The following ARHGAP35 variants were observed in gnomAD, a reference collection of about 807,000 sequenced individuals.
ARHGAP35 encodes the protein rho GTPase-activating protein 35.
Under a neutral mutation model 111.1 loss-of-function variants are expected in ARHGAP35, and 15 were observed. The observed-to-expected ratio is 0.13, with a 90% confidence interval of 0.09 to 0.21. The LOEUF is 0.21. Ranked by LOEUF, ARHGAP35 falls within the 10% of genes least tolerant of loss-of-function variation. The pLI, the probability that ARHGAP35 is intolerant of heterozygous loss-of-function variation, is 1.00. For missense variants in ARHGAP35, 1,262 were observed against 1,873.0 expected (o/e 0.67, Z 6.02); for synonymous variants, 643 against 710.3 (o/e 0.91, Z 1.51).
At position 46,919,645 on chromosome 19, in the gene ARHGAP35, C is replaced by T. The variant is rs994796276; in HGVS notation, c.970C>T (p.His324Tyr). The change falls in exon 2 of 7, where the codon CAC (histidine) becomes TAC (tyrosine). Residue 324 changes from histidine to tyrosine, a missense_variant. Around this residue, in one of 8 missense-constraint regions of ARHGAP35, gnomAD observed 328 missense variants for 440.8 expected, o/e 0.74. Transcript: ENST00000672722. The surrounding 1 kb of genome is among the most constrained non-coding windows in gnomAD (Gnocchi z 6.2). Reference sequence around the variant, plus strand: ...GAAAGCCAAGAAGCTGTTTCTACAGCACATCCACCGCCTCAAGCATGAGCA... The same window carrying T: ...GAAAGCCAAGAAGCTGTTTCTACAGTACATCCACCGCCTCAAGCATGAGCA... ...TQKAKKLFLQ[H>Y]IHRLKHEHIE... is the part of the protein sequence containing the mutation. 13 of 1,613,934 alleles carry T rather than the reference C, an allele frequency of 8.1e-6. No homozygotes were observed. The Admixed American group carries it at 1.0e-4, about 12-fold the overall frequency.
intron 1 of ARHGAP35, among the ~76,000 whole-genome samples, chr19:46,864,912 A>G (rs1390054021): frequency 6.6e-6 from 1 of 152,254 alleles, no homozygotes; most frequent in Non-Finnish European, 1.5e-5. Flanking sequence ...CTGTGTATGC[A>G]GTACTGCTTA....
Position 47,001,310 on chromosome 19 carries a change from C to G in ARHGAP35, c.*622C>G. On this transcript the variant is annotated 3_prime_UTR_variant, in exon 7 of 7. Coordinates refer to ENST00000672722, the MANE Select transcript of ARHGAP35 (RefSeq NM_004491.5). This position sits in a 1 kb window ranked among gnomAD's most constrained non-coding sequence, Gnocchi z 5.4. ...GACCCAGAGAGTGTGGGACTCCCCG[C>G]TTCATCCCCACCGTCCCACTCCACA... is the stretch of plus-strand genomic sequence containing the variant. The G allele has an allele frequency of 7.7e-7, 1 of 1,290,568 alleles. No individual in the cohort carries two copies. Among genetic ancestry groups the G allele is most frequent in the Non-Finnish European group, 1.0e-6 (1 of 989,340 alleles). The allele number at this position is 1,290,568 out of a possible 1,614,324, so 79.9% of individuals were successfully genotyped here.
chr19:46,996,768 G>C (rs756317986), intron 5 of ARHGAP35, among the ~76,000 whole-genome samples: 1 of 152,144 alleles, frequency 6.6e-6, no homozygotes, highest in Non-Finnish European at 1.5e-5. Context: ...TTTCTAATAC[G>C]GTCTTCTGTC....
chr19:46,866,202 T>C (rs2055855792), intron 1 of ARHGAP35, among the ~76,000 whole-genome samples: 1 of 152,148 alleles, frequency 6.6e-6, no homozygotes, highest in Non-Finnish European at 1.5e-5. Context: ...TGATGTCCAG[T>C]TGGTAAGATT....
chr19:46,882,258 C>A (rs192121315), intron 1 of ARHGAP35, among the ~76,000 whole-genome samples: 22 of 151,844 alleles, frequency 1.4e-4, no homozygotes, highest in African/African-American at 5.3e-4. Context: ...CTCAACCCCC[C>A]CAGGTTGCTG....
chr19:46,973,690 CA>C (rs1203440203), intron 3 of ARHGAP35, among the ~76,000 whole-genome samples: 6 of 143,882 alleles, frequency 4.2e-5, no homozygotes, highest in Admixed American at 1.4e-4. Flanking sequence ...GACTCCATCT[CA>C]AAAAAAAAAT....
intron 3 of ARHGAP35, among the ~76,000 whole-genome samples, chr19:46,955,907 G>T (rs891220214): frequency 6.6e-6 from 1 of 152,220 alleles, no homozygotes; most frequent in Non-Finnish European, 1.5e-5. Context: ...TAACAAGACA[G>T]GGTAAATGCA....
chr19:46,932,861 T>C (rs532934370), intron 2 of ARHGAP35, among the ~76,000 whole-genome samples: 1 of 152,308 alleles, frequency 6.6e-6, no homozygotes, highest in African/African-American at 2.4e-5. Flanking sequence ...AGGATTGAAC[T>C]AAATCTGGGG....
At chr19:46,861,297 C>G (rs1487654311) in intron 1 of ARHGAP35, among the ~76,000 whole-genome samples, 88 bp downstream of exon 1, 1 of 150,244 alleles carries the variant, frequency 6.7e-6, no homozygotes, top group Non-Finnish European at 1.5e-5. Flanking sequence ...CGGCGGGGCC[C>G]GGAGCCCGCG....
chr19:46,927,586 A>G (rs1007292836), intron 2 of ARHGAP35, among the ~76,000 whole-genome samples: 3 of 152,150 alleles, frequency 2.0e-5, no homozygotes, highest in Non-Finnish European at 2.9e-5. Flanking sequence ...CACGCCAAAT[A>G]ATAGAGGGCT....
In ARHGAP35 at chr19:46,965,791, A is replaced by G. The variant is rs193091934; in HGVS notation, c.3827-22198A>G. 1.7e-3 allele frequency among the ~76,000 whole-genome samples: 259 copies of G among 152,214 alleles called. 1 individual carries two copies. The highest frequency in any genetic ancestry group is 5.9e-3 in the African/African-American group (245 of 41,524). ...TGAACTGCTGCACTCGGCCTGGATT[A>G]ATCTTTTTCAACTCCATGTTTCATT... is the stretch of plus-strand genomic sequence containing the variant. On this transcript the variant is annotated intron_variant, in intron 3 of 6. Transcript: ENST00000672722.
At chr19:46,914,597 A>G (rs151257260) in intron 1 of ARHGAP35, among the ~76,000 whole-genome samples, 8 of 152,340 alleles carry the variant, frequency 5.3e-5, no homozygotes, top group African/African-American at 1.9e-4. Flanking sequence ...AGCATGGGTG[A>G]CAGAGCAAGA....
chr19:46,956,697 A>AAGAGC (rs1189053148), intron 3 of ARHGAP35, among the ~76,000 whole-genome samples: 2 of 152,206 alleles, frequency 1.3e-5, no homozygotes, highest in African/African-American at 2.4e-5. Flanking sequence ...CAGTGTGATT[A>AAGAGC]AGAGCAGCCA....
chr19:46,958,628 C>G (rs759776429), intron 3 of ARHGAP35, among the ~76,000 whole-genome samples: 5 of 152,200 alleles, frequency 3.3e-5, no homozygotes, highest in Non-Finnish European at 5.9e-5. Flanking sequence ...TGCTCTACCT[C>G]GTTGATTGAC....
intron 3 of ARHGAP35, among the ~76,000 whole-genome samples, chr19:46,953,952 C>T (rs528069386): frequency 1.1e-4 from 16 of 152,290 alleles, no homozygotes; most frequent in Admixed American, 6.5e-4. Flanking sequence ...CCATCCTTTC[C>T]GAAGCCTTCA....
At chr19:46,911,484 T>C (rs529725246) in intron 1 of ARHGAP35, among the ~76,000 whole-genome samples, 81 of 152,328 alleles carry the variant, frequency 5.3e-4, no homozygotes, top group African/African-American at 1.9e-3. Flanking sequence ...TTCCAAAGAT[T>C]ATGGTAATAC....
Position 46,926,346 on chromosome 19 carries a change from T to C in ARHGAP35, c.3681+3990T>C, listed in dbSNP as rs1023825566. ...GCACTCAGCTGAATGAAATTGAAAA[T>C]CTACGATTGCACTTCAGTAGGGTCC... On this transcript the variant is annotated intron_variant, in intron 2 of 6. Transcript: ENST00000672722. This position sits in a 1 kb window ranked among gnomAD's most constrained non-coding sequence, Gnocchi z 4.1. Among the ~76,000 whole-genome samples the C allele has an allele frequency of 1.3e-5, 2 of 152,154 alleles. No individual in the cohort carries two copies. The highest frequency in any genetic ancestry group is 4.8e-5 in the African/African-American group (2 of 41,416).
At chr19:46,875,737 A>G (rs539898471) in intron 1 of ARHGAP35, among the ~76,000 whole-genome samples, 2 of 152,290 alleles carry the variant, frequency 1.3e-5, no homozygotes, top group African/African-American at 4.8e-5. Flanking sequence ...CAATTAGGTA[A>G]TTAAAATGTT....
rs2056761136 is a variant in ARHGAP35, at chr19:47,003,826, T to A, written c.*3138T>A. 6.6e-6 allele frequency: 1 copy of A among 152,094 alleles called. No homozygotes were observed. Among genetic ancestry groups the A allele is most frequent in the Non-Finnish European group, 1.5e-5 (1 of 68,088 alleles). The allele number at this position is 152,094 out of a possible 1,614,324, so 9.4% of individuals were successfully genotyped here. A position where few individuals can be genotyped will look rare whatever the true frequency, so the allele number is the denominator to read the frequency against. On this transcript the variant is annotated 3_prime_UTR_variant, in exon 7 of 7. Coordinates refer to ENST00000672722, the MANE Select transcript of ARHGAP35 (RefSeq NM_004491.5). ...GGATGGGGGCATCCCTGTGCCTCAC[T>A]CAGCTCCTGCTGCTCTTAGGGAAAG...
Sources: allele counts gnomAD v4.1 joint callset (sites outside exome capture counted in the v4.1 genomes callset), GRCh38; gene constraint gnomAD v4.1.1; regional missense constraint gnomAD v4.1.1; non-coding constraint Gnocchi (gnomAD v3.1); transcripts MANE v1.5; gene names NCBI Gene and HGNC (gene_info 2026-07-23, HGNC 2026-07-21).